PRKG1: variants seen among roughly 807,000 people sequenced by gnomAD.
The protein encoded by PRKG1 is protein kinase cGMP-dependent 1, also known as cGMP-dependent protein kinase 1.
In PRKG1, 35 loss-of-function variants were observed where a neutral mutation model predicts 88.1. The observed-to-expected ratio is 0.40, with a 90% CI of 0.30 to 0.53. PRKG1 has a LOEUF of 0.53. Ranked by LOEUF, PRKG1 falls within the 20% of genes least tolerant of loss-of-function variation. The pLI, the probability that PRKG1 is intolerant of heterozygous loss-of-function variation, is 0.59. For synonymous variants in PRKG1, 303 were observed against 292.5 expected, an observed-to-expected ratio of 1.04 and a Z score of -0.37; for missense variants, 540 against 839.8, an observed-to-expected ratio of 0.64 and a Z score of 4.41.
chr10:52,162,295 G>A (rs1410950775), intron 9 of PRKG1, among the ~76,000 whole-genome samples: 1 of 152,072 alleles, frequency 6.6e-6, no homozygotes, highest in African/African-American at 2.4e-5. Flanking sequence ...GTGTTCCATA[G>A]TTGCTTGTGG....
At chr10:51,041,640 G>GGACC (rs1174656253) in intron 1 of PRKG1, among the ~76,000 whole-genome samples, 1 of 152,100 alleles carries the variant, frequency 6.6e-6, no homozygotes, top group African/African-American at 2.4e-5. Flanking sequence ...GCCTGGAATG[G>GGACC]GACCCCAGGA....
chr10:51,041,944 T>A (rs138185392), intron 1 of PRKG1, among the ~76,000 whole-genome samples: 1 of 152,194 alleles, frequency 6.6e-6, no homozygotes, highest in Non-Finnish European at 1.5e-5. Flanking sequence ...GTACTTGTTA[T>A]TGAGTGGGAC....
Position 51,640,262 on chromosome 10 carries a change from C to T in PRKG1, c.593-164323C>T, listed in dbSNP as rs150576016. Among the ~76,000 whole-genome samples, 543 of 152,144 alleles carry T rather than the reference C, an allele frequency of 3.6e-3. 3 individuals carry two copies. Among genetic ancestry groups the T allele is most frequent in the South Asian group, 0.021 (101 of 4,816 alleles). On this transcript the variant is annotated intron_variant, in intron 3 of 17. Coordinates refer to ENST00000373980, the MANE Select transcript of PRKG1 (RefSeq NM_006258.4). ...ATAGCATTACATGTATTCAGGAGTA[C>T]CTAGAACATAAATCATTAAACCAGC...
chr10:51,507,763 A>G (rs1442515677), intron 3 of PRKG1, among the ~76,000 whole-genome samples: 1 of 152,092 alleles, frequency 6.6e-6, no homozygotes, highest in South Asian at 2.1e-4. Flanking sequence ...TCGATGGAGC[A>G]CTTTGGAAAA....
intron 3 of PRKG1, among the ~76,000 whole-genome samples, chr10:51,706,353 A>G (rs1841603809): frequency 6.6e-6 from 1 of 152,134 alleles, no homozygotes; most frequent in Non-Finnish European, 1.5e-5. Context: ...GTGAGCCACA[A>G]TGCCTGGCCC....
intron 2 of PRKG1, among the ~76,000 whole-genome samples, chr10:51,351,018 C>T (rs1361531806): frequency 5.3e-5 from 8 of 151,924 alleles, no homozygotes; most frequent in East Asian, 1.9e-4. Flanking sequence ...ATGTGGTGTT[C>T]GGTTTTCTGT....
chr10:51,407,306 T>C (rs1303991805), intron 2 of PRKG1, among the ~76,000 whole-genome samples: 2 of 97,972 alleles, frequency 2.0e-5, no homozygotes, highest in African/African-American at 7.5e-5. Flanking sequence ...GACAATAATG[T>C]CATAATTACA....
chr10:51,215,337 C>T (rs1838343562), intron 2 of PRKG1, among the ~76,000 whole-genome samples: 1 of 152,194 alleles, frequency 6.6e-6, no homozygotes, highest in African/African-American at 2.4e-5. Flanking sequence ...TGATAAATTA[C>T]AAGTGATTAC....
At chr10:51,347,786 G>A (rs1332380448) in intron 2 of PRKG1, among the ~76,000 whole-genome samples, 1 of 152,040 alleles carries the variant, frequency 6.6e-6, no homozygotes, top group Non-Finnish European at 1.5e-5. Flanking sequence ...CAAAGGCTGG[G>A]CGCGGTGGCT....
chr10:51,094,896 CCACAATTAGCATTTGAGT>C (rs1415623293), intron 1 of PRKG1, among the ~76,000 whole-genome samples: 2 of 152,068 alleles, frequency 1.3e-5, no homozygotes, highest in African/African-American at 2.4e-5. Flanking sequence ...CTATATTAGT[CCACAATTAGCATTTGAGT>C]CACTTGAAGC....
chr10:52,007,403 C>G (rs1281598569), intron 5 of PRKG1, among the ~76,000 whole-genome samples: 2 of 152,128 alleles, frequency 1.3e-5, no homozygotes, highest in African/African-American at 4.8e-5. Flanking sequence ...CAATAACATT[C>G]TTAGGCTCCA....
At chr10:51,242,941 G>A (rs971288214) in intron 2 of PRKG1, among the ~76,000 whole-genome samples, 2 of 152,132 alleles carry the variant, frequency 1.3e-5, no homozygotes, top group Non-Finnish European at 2.9e-5. Flanking sequence ...GGAAAAAAGT[G>A]AATTAGATTT....
chr10:51,515,909 C>T (rs1344244218), intron 3 of PRKG1, among the ~76,000 whole-genome samples: 1 of 152,078 alleles, frequency 6.6e-6, no homozygotes, highest in Non-Finnish European at 1.5e-5. Flanking sequence ...TGCTAAGGCC[C>T]CGGAGGGTGT....
rs142604843 is a variant in PRKG1 at position 51,680,287 on chromosome 10, T to TAA, written c.593-124287_593-124286dup. On this transcript the variant is annotated intron_variant, in intron 3 of 17. Transcript: ENST00000373980. ...ATGTACCCTAAAACTTAAAGTATAA[T>TAA]AAAAAAAAAAAAGAATACTTAAACC... 9.0e-3 allele frequency among the ~76,000 whole-genome samples: 1,311 copies of TAA among 144,932 alleles called. 4 individuals are homozygous for TAA. Among genetic ancestry groups the TAA allele is most frequent in the Non-Finnish European group, 0.011 (724 of 65,736 alleles).
intron 9 of PRKG1, among the ~76,000 whole-genome samples, chr10:52,249,982 A>C (rs1022184583): frequency 6.6e-6 from 1 of 152,232 alleles, no homozygotes; most frequent in Non-Finnish European, 1.5e-5. Context: ...ATGCTTGACC[A>C]CATACAGTCA....
intron 2 of PRKG1, among the ~76,000 whole-genome samples, chr10:51,158,902 T>C (rs1008657540): frequency 1.3e-5 from 2 of 151,988 alleles, no homozygotes; most frequent in Admixed American, 6.6e-5. Context: ...ACTCTAAGTG[T>C]TATGTGATTA....
chr10:51,478,916 T>C (rs1840276624), intron 3 of PRKG1, among the ~76,000 whole-genome samples: 1 of 150,088 alleles, frequency 6.7e-6, no homozygotes, highest in Non-Finnish European at 1.5e-5. Context: ...ATCTTAGACA[T>C]AAAAAAATCG....
At chr10:52,275,904 AT>A (rs1841862357) in intron 12 of PRKG1, among the ~76,000 whole-genome samples, 2 of 151,736 alleles carry the variant, frequency 1.3e-5, no homozygotes, top group South Asian at 4.2e-4. Flanking sequence ...TTGGTTAGGT[AT>A]TTTCCGAAGT....
intron 2 of PRKG1, among the ~76,000 whole-genome samples, chr10:51,286,202 C>T (rs1278848944): frequency 1.3e-5 from 2 of 152,180 alleles, no homozygotes; most frequent in African/African-American, 4.8e-5. Flanking sequence ...AACTCCCGGC[C>T]TCAGGTAATC....
Sources: gnomAD v4.1 joint callset for allele counts (sites outside exome capture counted in the v4.1 genomes callset) on GRCh38, gnomAD v4.1.1 for gene constraint, MANE v1.5 for transcripts, NCBI Gene and HGNC (gene_info 2026-07-23, HGNC 2026-07-21) for gene names.